The following MYO15B variants were observed in gnomAD, a reference collection of about 807,000 sequenced individuals.
MYO15B encodes myosin XVB, also known as myosin XVB pseudogene.
MYO15B carries 207 observed loss-of-function variants against 119.3 expected under a neutral mutation model. The ratio of observed to expected loss-of-function variants is 1.73; its 90% CI spans 1.55 to 1.95. MYO15B has a LOEUF of 1.95. Ranked by LOEUF, MYO15B falls within the 30% of genes most tolerant of loss-of-function variation. MYO15B has a pLI of 0.00. For synonymous variants in MYO15B, 966 were observed against 498.9 expected (o/e 1.94, Z -12.48); for missense variants, 2,264 against 1,203.1 (o/e 1.88, Z -13.04).
exon 64 of MYO15B, chr17:75,626,728 C>G (rs925042563): frequency 3.5e-6 from 2 of 570,894 alleles, no homozygotes; most frequent in Non-Finnish European, 6.3e-6. Flanking sequence ...GCTGGGGCAC[C>G]TGAGGTTGCC....
intron 52 of MYO15B, 173 bp downstream of exon 52, chr17:75,621,743 G>A (rs1374085804): frequency 5.0e-6 from 3 of 601,992 alleles, no homozygotes; most frequent in Non-Finnish European, 6.0e-6. Flanking sequence ...TCCCACTCAA[G>A]GGTTGTGGGT....
At chr17:75,621,800 C>T (rs966573472) in intron 52 of MYO15B, 3 of 606,798 alleles carry the variant, frequency 4.9e-6, no homozygotes, top group African/African-American at 1.8e-5. Flanking sequence ...CCAGAGGATG[C>T]TATGTGCTGT....
chr17:75,592,962 G>A, intron 9 of MYO15B, 122 bp downstream of exon 9: 1 of 605,614 alleles, frequency 1.7e-6, no homozygotes, highest in Non-Finnish European at 3.0e-6. Flanking sequence ...CTGAAAAGTG[G>A]GTAGATCCCC....
intron 21 of MYO15B, among the ~76,000 whole-genome samples, chr17:75,608,633 A>G (rs2147934761): frequency 6.6e-6 from 1 of 152,006 alleles, no homozygotes; most frequent in Middle Eastern, 3.4e-3. Context: ...ATCTCAGCTC[A>G]CTGCAACCTC....
chr17:75,617,015 C>T (rs1238123451), intron 40 of MYO15B, 54 bp downstream of exon 40: 2 of 698,006 alleles, frequency 2.9e-6, no homozygotes, highest in African/African-American at 1.7e-5. Flanking sequence ...CTGGGGAGCT[C>T]AAGGCTCTCT....
In MYO15B at chr17:75,591,265, G is replaced by A. The variant is rs1482494374; in HGVS notation, c.2435+19G>A. The A allele has an allele frequency of 1.4e-6, 1 of 702,554 alleles. No individual in the cohort carries two copies. The highest frequency in any genetic ancestry group is 2.6e-6 in the Non-Finnish European group (1 of 384,728). The allele number at this position is 702,554 out of a possible 1,614,324, so 43.5% of individuals were successfully genotyped here. ...TCCTGTGGTGAGTGGTGGCCTTCCT[G>A]GGTGGCTGAACCCATGGGCCACACT... On this transcript the variant is annotated intron_variant, in intron 4 of 63. Coordinates refer to ENST00000645453, the Ensembl canonical transcript of MYO15B.
In MYO15B at chr17:75,589,467, T is replaced by C. The variant is rs879566943; in HGVS notation, c.1410T>C (p.Gly470=). 0.093 allele frequency: 34,360 copies of C among 368,364 alleles called. 1,681 individuals are homozygous for C. The highest frequency in any genetic ancestry group is 0.17 in the African/African-American group (6,598 of 39,752). The allele number at this position is 368,364 out of a possible 1,614,324, so 22.8% of individuals were successfully genotyped here. ...GCGGGAAAGCGGACGAGGGGCGGGGTCACGAGAGAGGTGACGAGGGCCGGG... is the reference window on the plus strand; with the variant it reads ...GCGGGAAAGCGGACGAGGGGCGGGGCCACGAGAGAGGTGACGAGGGCCGGG... Residue 470 remains glycine, a synonymous_variant, in exon 1 of 64, where the codon GGT becomes GGC. Coordinates refer to ENST00000645453, the Ensembl canonical transcript of MYO15B. This position sits in a 1 kb window ranked among gnomAD's most constrained non-coding sequence, Gnocchi z 4.2.
In MYO15B at chr17:75,588,146, C is replaced by T. The variant is rs530347199; in HGVS notation, c.89C>T (p.Ala30Val). ...GAGCAGGAGTCGGGGTCGGCCAGCG[C>T]GGATGGCGCGCCCAGCCGGGAACGC... Residue 30 changes from alanine (A) to valine (V), a missense_variant, in exon 1 of 64, where the codon GCG becomes GTG. Coordinates refer to ENST00000645453, the Ensembl canonical transcript of MYO15B. 2.8e-5 allele frequency: 11 copies of T among 398,078 alleles called. No individual in the cohort carries two copies. The East Asian group carries it at 3.6e-4, about 13-fold the overall frequency. The allele number at this position is 398,078 out of a possible 1,614,324, so 24.7% of individuals were successfully genotyped here.
exon 37 of MYO15B, chr17:75,616,098 C>T: frequency 1.7e-6 from 1 of 575,140 alleles, no homozygotes; most frequent in East Asian, 2.9e-5. Context: ...AAGACAGGCC[C>T]TATCAGCCCA....
At chr17:75,625,967 C>T in exon 62 of MYO15B, 2 of 702,094 alleles carry the variant, frequency 2.8e-6, no homozygotes, top group South Asian at 3.0e-5. Flanking sequence ...CTCATGGACC[C>T]CAGCTCCCAG....
At chr17:75,592,617 C>T (rs1036323119) in intron 8 of MYO15B, 62 bp from the exon 9 acceptor site, 7 of 649,166 alleles carry the variant, frequency 1.1e-5, no homozygotes, top group South Asian at 3.3e-5. Flanking sequence ...GAGGAGTAGC[C>T]GGAGTAGAGG....
At chr17:75,598,155 A>G (rs1276915927) in intron 14 of MYO15B, among the ~76,000 whole-genome samples, 4 of 151,302 alleles carry the variant, frequency 2.6e-5, no homozygotes, top group African/African-American at 9.7e-5. Context: ...AAGGTGAGCC[A>G]GGCATGGGAG....
chr17:75,612,857 A>G, exon 26 of MYO15B: 1 of 702,808 alleles, frequency 1.4e-6, no homozygotes, highest in Non-Finnish European at 2.6e-6. Flanking sequence ...AGCTGGATGG[A>G]GACAACCCTC....
At chr17:75,626,291 C>T (rs913661397) in intron 63 of MYO15B, 63 bp downstream of exon 63, 2 of 698,480 alleles carry the variant, frequency 2.9e-6, no homozygotes, top group East Asian at 2.7e-5. Context: ...CCCAGCATGG[C>T]GTGCAGTGGG....
exon 28 of MYO15B, chr17:75,613,319 G>A (rs1482881528): frequency 1.5e-6 from 1 of 671,308 alleles, no homozygotes; most frequent in Admixed American, 2.2e-5. Context: ...GCCCCCAGGG[G>A]CATGGCAGCG....
rs2058399660 is a variant in MYO15B at position 75,616,790 on chromosome 17, G to A, written c.6506+5G>A. The A allele has an allele frequency of 1.4e-6, 1 of 702,886 alleles. No individual in the cohort carries two copies. The highest frequency in any genetic ancestry group is 1.5e-5 in the South Asian group (1 of 67,606). 43.5% of individuals were successfully genotyped at this position (702,886 alleles called of 1,614,324 possible). The stretch of plus-strand genomic sequence containing the variant: ...TGTGCCCGTGCAGCCATCCAGGTGG[G>A]CCCCCACGGGGAGGTGGCCAGGGCT... On this transcript the variant is annotated splice_donor_5th_base_variant and intron_variant, in intron 39 of 63. Coordinates refer to ENST00000645453, the Ensembl canonical transcript of MYO15B.
exon 27 of MYO15B, chr17:75,613,200 C>T (rs1406354613): frequency 1.4e-6 from 1 of 695,200 alleles, no homozygotes; most frequent in South Asian, 1.5e-5. Flanking sequence ...CTACAGAAGC[C>T]ACTGCTCAAG....
rs1043815216 is a variant in MYO15B, at chr17:75,626,297, G to T, written c.9213+69G>T. On this transcript the variant is annotated intron_variant, in intron 63 of 63. Coordinates refer to ENST00000645453, the Ensembl canonical transcript of MYO15B. ...GGGCCTTGCCCCAGCATGGCGTGCA[G>T]TGGGAGCCCAGGCCCAGGCCGATGC... 28 of 698,668 alleles carry T rather than the reference G, an allele frequency of 4.0e-5. No homozygotes were observed. In the African/African-American group the frequency reaches 4.7e-4, roughly 12 times the overall value. The allele number at this position is 698,668 out of a possible 1,614,324, so 43.3% of individuals were successfully genotyped here.
intron 19 of MYO15B, among the ~76,000 whole-genome samples, chr17:75,604,877 G>A (rs929150159): frequency 3.1e-4 from 47 of 152,270 alleles, no homozygotes; most frequent in African/African-American, 1.1e-3. Context: ...AGTGGCTCAC[G>A]CCTGTAATCC....
Sources: gnomAD v4.1 joint callset for allele counts (sites outside exome capture counted in the v4.1 genomes callset) on GRCh38, gnomAD v4.1.1 for gene constraint, Gnocchi (gnomAD v3.1) non-coding constraint, MANE v1.5 for transcripts, NCBI Gene and HGNC (gene_info 2026-07-23, HGNC 2026-07-21) for gene names.